The following SYCP2L variants were observed in gnomAD, a reference collection of about 807,000 sequenced individuals.
SYCP2L encodes the protein synaptonemal complex protein 2 like.
SYCP2L carries 98 observed loss-of-function variants against 125.8 expected under a neutral mutation model. The observed-to-expected ratio is 0.78, with a 90% CI of 0.66 to 0.92. The LOEUF is 0.92. SYCP2L is among the 40% of genes least tolerant of loss of function. The pLI is 0.00. For synonymous variants in SYCP2L, 317 were observed against 325.4 expected, an observed-to-expected ratio of 0.97 and a Z score of 0.28; for missense variants, 842 against 936.4, an observed-to-expected ratio of 0.90 and a Z score of 1.32.
chr6:10,916,837 A>G (rs913352163), intron 14 of SYCP2L, among the ~76,000 whole-genome samples: 16 of 152,040 alleles, frequency 1.1e-4, no homozygotes, highest in African/African-American at 3.9e-4. Flanking sequence ...TAAAAATACA[A>G]AAAAATTAGC....
intron 23 of SYCP2L, among the ~76,000 whole-genome samples, chr6:10,945,974 A>C (rs1781309013): frequency 6.6e-6 from 1 of 152,074 alleles, no homozygotes; most frequent in Non-Finnish European, 1.5e-5. Context: ...TTCATGACTG[A>C]CATATGTGTA....
intron 10 of SYCP2L, among the ~76,000 whole-genome samples, 156 bp downstream of exon 10, chr6:10,907,840 T>C (rs1320843986): frequency 2.0e-5 from 3 of 149,986 alleles, no homozygotes; most frequent in Non-Finnish European, 4.4e-5. Flanking sequence ...AGAAACAATT[T>C]GAGGGTAATA....
At chr6:10,924,211 T>G (rs1309494030) in intron 14 of SYCP2L, among the ~76,000 whole-genome samples, 1 of 152,214 alleles carries the variant, frequency 6.6e-6, no homozygotes, top group Non-Finnish European at 1.5e-5. Flanking sequence ...TTAAAAAAAC[T>G]GAATTGCAGA....
At chr6:10,924,161 T>C (rs1188191130) in intron 14 of SYCP2L, among the ~76,000 whole-genome samples, 1 of 152,192 alleles carries the variant, frequency 6.6e-6, no homozygotes, top group Non-Finnish European at 1.5e-5. Flanking sequence ...GGGAATAAAA[T>C]ACCTGTTGCA....
intron 11 of SYCP2L, 68 bp from the exon 12 acceptor site, chr6:10,910,756 C>T (rs1288845695): frequency 2.3e-5 from 35 of 1,531,984 alleles, no homozygotes; most frequent in Admixed American, 1.3e-4. Context: ...GTGCTTGTTG[C>T]GGAACGTCTG....
chr6:10,909,620 G>C (rs1258659813), intron 10 of SYCP2L, among the ~76,000 whole-genome samples: 1 of 152,160 alleles, frequency 6.6e-6, no homozygotes, highest in East Asian at 1.9e-4. Context: ...TGTTGGTTAG[G>C]AGAACTCTAA....
chr6:10,971,441 CAGTG>C (rs1442855504), intron 29 of SYCP2L, among the ~76,000 whole-genome samples: 1 of 122,982 alleles, frequency 8.1e-6, no homozygotes, highest in East Asian at 2.5e-4. Flanking sequence ...CTGGGCAAGA[CAGTG>C]AGACTCTGTC....
Position 10,924,499 on chromosome 6 carries a change from C to A in SYCP2L, c.1076C>A (p.Thr359Lys). The A allele has an allele frequency of 6.4e-7, 1 of 1,563,240 alleles. No individual in the cohort carries two copies. Among genetic ancestry groups the A allele is most frequent in the African/African-American group, 1.4e-5 (1 of 71,890 alleles). The change falls in exon 15 of 30, where the codon ACG (threonine) becomes AAG (lysine). Residue 359 changes from threonine (T) to lysine (K), a missense_variant. By Grantham distance (78) the Thr-to-Lys change is moderately conservative. Transcript: ENST00000283141. ...EAVMNFSITE[T>K]EKIKIFIIYL... ...GATATTCCATATTTTCTCTTAGAAACGGAGAAGATAAAGATATTTATCATT... is the reference window on the plus strand; with the variant it reads ...GATATTCCATATTTTCTCTTAGAAAAGGAGAAGATAAAGATATTTATCATT...
chr6:10,927,470 C>G, intron 17 of SYCP2L, 103 bp downstream of exon 17: 1 of 860,980 alleles, frequency 1.2e-6, no homozygotes, highest in South Asian at 1.7e-5. Context: ...GGGGAGACAT[C>G]ACATGTCGGT....
At chr6:10,913,349 A>G (rs186304429) in intron 14 of SYCP2L, among the ~76,000 whole-genome samples, 4 of 152,308 alleles carry the variant, frequency 2.6e-5, no homozygotes, top group African/African-American at 7.2e-5. Flanking sequence ...AAGAAAGGAC[A>G]TGGCTGTCAG....
rs1325729112 is a variant in SYCP2L, at chr6:10,961,412, C to CT, written c.2355+13dup. 6.2e-7 allele frequency: 1 copy of CT among 1,613,808 alleles called. No individual in the cohort carries two copies. Among genetic ancestry groups the CT allele is most frequent in the Non-Finnish European group, 8.5e-7 (1 of 1,179,880 alleles). On this transcript the variant is annotated intron_variant, in intron 27 of 29. Transcript: ENST00000283141. The stretch of plus-strand genomic sequence containing the variant: ...CTTGAGAAGGAGGTTCTGGTAAGTT[C>CT]TTTTTGTGTGGAACATTTTCTGACT...
At chr6:10,959,022 G>A (rs570861579) in intron 26 of SYCP2L, 147 bp downstream of exon 26, 289 of 679,582 alleles carry the variant, frequency 4.3e-4, no homozygotes, top group Admixed American at 8.1e-4. Flanking sequence ...CTGGGTTTCC[G>A]GTTCTTCATT....
At chr6:10,918,472 TTCTTTTTTCTTTG>T (rs1780728311) in intron 14 of SYCP2L, among the ~76,000 whole-genome samples, 1 of 152,216 alleles carries the variant, frequency 6.6e-6, no homozygotes, top group African/African-American at 2.4e-5. Flanking sequence ...TATTTTCTTA[TTCTTTTTTCTTTG>T]TCTTTGTTGT....
At chr6:10,927,860 G>C (rs180994489) in intron 17 of SYCP2L, among the ~76,000 whole-genome samples, 1 of 152,202 alleles carries the variant, frequency 6.6e-6, no homozygotes, top group African/African-American at 2.4e-5. Context: ...ACCCAAGGGG[G>C]CCATTTTAGA....
At chr6:10,917,973 C>T (rs2113332798) in intron 14 of SYCP2L, among the ~76,000 whole-genome samples, 1 of 152,016 alleles carries the variant, frequency 6.6e-6, no homozygotes, top group South Asian at 2.1e-4. Flanking sequence ...AAGATAGGGC[C>T]CCAATCCCTT....
intron 19 of SYCP2L, 42 bp from the exon 20 acceptor site, chr6:10,931,398 G>T (rs1353119810): frequency 1.2e-6 from 2 of 1,606,138 alleles, no homozygotes; most frequent in Admixed American, 1.7e-5. Context: ...TATGCCTCAT[G>T]AGTTAATGTA....
At chr6:10,961,267 G>A (rs1347441958) in intron 26 of SYCP2L, 38 bp from the exon 27 acceptor site, 1 of 1,534,464 alleles carries the variant, frequency 6.5e-7, no homozygotes, top group Non-Finnish European at 9.0e-7. Flanking sequence ...TCACATCCAA[G>A]CGATCCCAAT....
chr6:10,922,010 CT>C (rs1477455338), intron 14 of SYCP2L, among the ~76,000 whole-genome samples: 1 of 152,060 alleles, frequency 6.6e-6, no homozygotes, highest in Non-Finnish European at 1.5e-5. Context: ...TGGCCGACCA[CT>C]TTTTAATGTT....
intron 23 of SYCP2L, among the ~76,000 whole-genome samples, chr6:10,946,577 T>C (rs536523320): frequency 6.6e-6 from 1 of 152,170 alleles, no homozygotes; most frequent in Non-Finnish European, 1.5e-5. Flanking sequence ...CCTTTATTCT[T>C]GAATTAAATT....
Sources: gnomAD v4.1 joint callset for allele counts (sites outside exome capture counted in the v4.1 genomes callset) on GRCh38, gnomAD v4.1.1 for gene constraint, MANE v1.5 for transcripts, NCBI Gene and HGNC (gene_info 2026-07-23, HGNC 2026-07-21) for gene names.